Variants in RELL1 observed in about 807,000 individuals in gnomAD.
RELL1 encodes RELT-like protein 1.
In RELL1, 10 loss-of-function variants were observed where a neutral mutation model predicts 23.0. The observed-to-expected ratio is 0.43, with a 90% CI of 0.27 to 0.74. RELL1 has a LOEUF of 0.74. Among genes scored for constraint, RELL1 ranks in the 30% least tolerant of loss-of-function variants. RELL1 has a pLI of 0.19. For missense variants in RELL1, 315 were observed against 364.4 expected, an observed-to-expected ratio of 0.86 and a Z score of 1.10; for synonymous variants, 146 against 146.8, an observed-to-expected ratio of 0.99 and a Z score of 0.04.
downstream of RELL1, chr4:37,590,556 T>G (rs757295730): frequency 6.2e-7 from 1 of 1,614,196 alleles, no homozygotes; most frequent in Non-Finnish European, 8.5e-7. Flanking sequence ...GAGCTCCTTC[T>G]GAGGCAGAAA....
chr4:37,668,557 G>A (rs1197371579), intron 1 of RELL1, among the ~76,000 whole-genome samples: 2 of 151,964 alleles, frequency 1.3e-5, no homozygotes, highest in African/African-American at 4.8e-5. Flanking sequence ...GCGTGATCTC[G>A]GCTCGCTACA....
intron 1 of RELL1, among the ~76,000 whole-genome samples, chr4:37,682,325 TACA>T: frequency 6.6e-6 from 1 of 152,346 alleles, no homozygotes; most frequent in East Asian, 1.9e-4. Flanking sequence ...ACCAAATCTT[TACA>T]ACCACTTAAG....
intron 1 of RELL1, among the ~76,000 whole-genome samples, chr4:37,680,636 A>G (rs557286268): frequency 2.6e-5 from 4 of 152,354 alleles, no homozygotes; most frequent in African/African-American, 7.2e-5. Flanking sequence ...TAAAGAACCT[A>G]TGCGAGTTAA....
intron 1 of RELL1, among the ~76,000 whole-genome samples, chr4:37,679,853 G>T (rs1362334068): frequency 1.3e-5 from 2 of 152,232 alleles, no homozygotes; most frequent in Admixed American, 1.3e-4. Context: ...TCGGGAGGCT[G>T]AGGCAGGAGA....
intron 3 of RELL1, among the ~76,000 whole-genome samples, chr4:37,644,187 A>G (rs1253565407): frequency 6.6e-6 from 1 of 152,112 alleles, no homozygotes; most frequent in Non-Finnish European, 1.5e-5. Flanking sequence ...TTAAAAAGAA[A>G]AAGAAAAAAA....
chr4:37,637,654 C>T (rs181697347), intron 4 of RELL1, among the ~76,000 whole-genome samples: 6 of 152,348 alleles, frequency 3.9e-5, no homozygotes, highest in Middle Eastern at 3.4e-3. Context: ...ACACACATCT[C>T]CAATCCTGTG....
intron 6 of RELL1, among the ~76,000 whole-genome samples, chr4:37,619,515 C>G (rs1160492703): frequency 6.6e-6 from 1 of 152,116 alleles, no homozygotes; most frequent in Non-Finnish European, 1.5e-5. Flanking sequence ...CCACATGAAC[C>G]AGTTTGCCTG....
At position 37,669,039 on chromosome 4, in the gene RELL1, C is replaced by T. The variant is rs866915539; in HGVS notation, c.88+17161G>A. ...CAGCCCCCCGCCTGGCCAGCCGCCC[C>T]GTCCGGGAGGGAGGTGGGGGGGTCA... On this transcript the variant is annotated intron_variant, in intron 1 of 6. Coordinates refer to ENST00000454158, the MANE Select transcript of RELL1 (RefSeq NM_001085400.2). Among the ~76,000 whole-genome samples, 26 of 137,198 alleles carry T rather than the reference C, an allele frequency of 1.9e-4. No homozygotes were observed. The South Asian group carries it at 5.5e-3, about 29-fold the overall frequency. The allele number at this position is 137,198 out of a possible 152,430, so 90.0% of individuals were successfully genotyped here. A position where few individuals can be genotyped will look rare whatever the true frequency, so the allele number is the denominator to read the frequency against.
At chr4:37,651,184 A>G (rs1281027040) in intron 1 of RELL1, among the ~76,000 whole-genome samples, 1 of 152,218 alleles carries the variant, frequency 6.6e-6, no homozygotes, top group East Asian at 1.9e-4. Flanking sequence ...GGCTGGGCAC[A>G]GTGGCACATG....
At chr4:37,598,596 A>G (rs1718939548) in intron 6 of RELL1, among the ~76,000 whole-genome samples, 1 of 152,122 alleles carries the variant, frequency 6.6e-6, no homozygotes, top group African/African-American at 2.4e-5. Context: ...ACACATGGGA[A>G]AATGGAGGCT....
At chr4:37,605,714 CCTGGGCGA>C (rs1719171484), downstream of RELL1, among the ~76,000 whole-genome samples, 1 of 148,858 alleles carries the variant, frequency 6.7e-6, no homozygotes, top group African/African-American at 2.5e-5. Context: ...TGCACTCTGG[CCTGGGCGA>C]CAGAGTGAGA....
chr4:37,634,817 G>T, intron 5 of RELL1, 70 bp downstream of exon 5: 2 of 1,250,242 alleles, frequency 1.6e-6, no homozygotes, highest in Non-Finnish European at 2.4e-6. Context: ...ACATCTGACA[G>T]GTAAGCAGAA....
Position 37,613,037 on chromosome 4 carries a change from A to G in RELL1, c.*309T>C, listed in dbSNP as rs1330967306. 1 of 152,238 alleles carries G rather than the reference A, an allele frequency of 6.6e-6. No homozygotes were observed. The highest frequency in any genetic ancestry group is 1.5e-5 in the Non-Finnish European group (1 of 68,066). The allele number at this position is 152,238 out of a possible 1,614,324, so 9.4% of individuals were successfully genotyped here. A position where few individuals can be genotyped will look rare whatever the true frequency, so the allele number is the denominator to read the frequency against. ...ACATACTCATCATAATGGAAAAACT[A>G]CAGTGTGTACACCAAGGCCTGGGAT... is the stretch of plus-strand genomic sequence containing the variant. On this transcript the variant is annotated 3_prime_UTR_variant, in exon 7 of 7. Transcript: ENST00000454158.
Position 37,610,894 on chromosome 4 carries a change from TG to T in RELL1, c.*2451del, listed in dbSNP as rs1333691226. On this transcript the variant is annotated 3_prime_UTR_variant, in exon 7 of 7. Coordinates refer to ENST00000454158, the MANE Select transcript of RELL1 (RefSeq NM_001085400.2). This position sits in a 1 kb window ranked among gnomAD's most constrained non-coding sequence, Gnocchi z 4.1. ...CAAGACCTGTAAACATCAGTTGCTT[TG>T]GGAACACAGGAATTCTCATCAGATA... is the stretch of plus-strand genomic sequence containing the variant. Among the ~76,000 whole-genome samples the T allele has an allele frequency of 1.3e-5, 2 of 152,196 alleles. No homozygotes were observed. The highest frequency in any genetic ancestry group is 2.9e-5 in the Non-Finnish European group (2 of 68,038).
intron 1 of RELL1, among the ~76,000 whole-genome samples, chr4:37,659,452 G>A (rs117398650): frequency 0.017 from 2,595 of 152,310 alleles, 68 homozygotes; most frequent in East Asian, 0.079. Flanking sequence ...CAGAGGAGCC[G>A]AGACAGAATG....
intron 1 of RELL1, among the ~76,000 whole-genome samples, chr4:37,658,523 C>G (rs1721207856): frequency 6.6e-6 from 1 of 152,118 alleles, no homozygotes; most frequent in Non-Finnish European, 1.5e-5. Context: ...GATGGGGAAA[C>G]AGAAGCATAG....
intron 3 of RELL1, among the ~76,000 whole-genome samples, chr4:37,643,429 A>G (rs564774584): frequency 1.3e-5 from 2 of 152,352 alleles, no homozygotes; most frequent in East Asian, 3.9e-4. Flanking sequence ...CATTTGCCAA[A>G]CTTAAAATGC....
intron 6 of RELL1, among the ~76,000 whole-genome samples, chr4:37,600,807 A>G (rs1403262080): frequency 6.8e-5 from 3 of 44,330 alleles, no homozygotes; most frequent in East Asian, 8.5e-4. Context: ...GTGTGTGTGT[A>G]GTTTTTGTTT....
At chr4:37,620,368 T>C (rs1443245290) in intron 6 of RELL1, among the ~76,000 whole-genome samples, 1 of 152,248 alleles carries the variant, frequency 6.6e-6, no homozygotes, top group Non-Finnish European at 1.5e-5. Context: ...CAACAATGGG[T>C]TTCCCAAGTG....
Sources: gnomAD v4.1 joint callset for allele counts (sites outside exome capture counted in the v4.1 genomes callset) on GRCh38, gnomAD v4.1.1 for gene constraint, Gnocchi (gnomAD v3.1) non-coding constraint, MANE v1.5 for transcripts, NCBI Gene and HGNC (gene_info 2026-07-23, HGNC 2026-07-21) for gene names.